CD151: variants seen among roughly 807,000 people sequenced by gnomAD.
CD151 encodes CD151 antigen.
Under a neutral mutation model 34.2 loss-of-function variants are expected in CD151, and 20 were observed. The observed-to-expected ratio is 0.58, with a 90% CI of 0.41 to 0.85. The LOEUF (loss-of-function observed/expected upper bound fraction) is 0.85, where lower values mean the gene tolerates loss of function less well. Among genes scored for constraint, CD151 ranks in the 40% least tolerant of loss-of-function variants. The pLI, the probability that CD151 is intolerant of heterozygous loss-of-function variation, is 0.00. For synonymous variants in CD151, 157 were observed against 131.7 expected (o/e 1.19, Z -1.32); for missense variants, 306 against 324.5 (o/e 0.94, Z 0.44).
Position 837,247 on chromosome 11 carries a change from C to T in CD151, c.352-3C>T. Reference sequence around the variant, plus strand: ...GCTGAAGTTTCCTGCACCCCAACCCCAGCTGAACACGGAGCTCAAGGAGAA... The same window carrying T: ...GCTGAAGTTTCCTGCACCCCAACCCTAGCTGAACACGGAGCTCAAGGAGAA... On this transcript the variant is annotated splice_region_variant and splice_polypyrimidine_tract_variant and intron_variant, in intron 5 of 8. Coordinates refer to ENST00000397420, the MANE Select transcript of CD151 (RefSeq NM_004357.5). 6.2e-7 allele frequency: 1 copy of T among 1,612,142 alleles called. No homozygotes were observed. Among genetic ancestry groups the T allele is most frequent in the Non-Finnish European group, 8.5e-7 (1 of 1,179,012 alleles).
chr11:837,528 C>T lies in CD151; in HGVS notation c.525C>T (p.Ala175=), dbSNP rs756615452. The change falls in exon 7 of 9, where the codon GCC becomes GCT. Residue 175 remains alanine, a synonymous_variant. Transcript: ENST00000397420. The part of the protein sequence containing the change: ...RDSEWIRSQE[A]GGRVVPDSCC... ...GTGAGTGGATCCGCTCACAGGAGGC[C>T]GGTGGCCGTGTGGTCCCAGACAGCT... 67 of 1,612,948 alleles carry T rather than the reference C, an allele frequency of 4.2e-5. No homozygotes were observed. Among genetic ancestry groups the T allele is most frequent in the East Asian group, 3.8e-4 (17 of 44,890 alleles).
Position 837,543 on chromosome 11 carries a change from C to T in CD151, c.540C>T (p.Val180=). 1.2e-6 allele frequency: 2 copies of T among 1,613,046 alleles called. No homozygotes were observed. Among genetic ancestry groups the T allele is most frequent in the Non-Finnish European group, 1.7e-6 (2 of 1,179,906 alleles). Residue 180 remains valine, a synonymous_variant, in exon 7 of 9, where the codon GTC becomes GTT. Transcript: ENST00000397420. ...IRSQEAGGRV[V]PDSCCKTVVA... ...CACAGGAGGCCGGTGGCCGTGTGGT[C>T]CCAGACAGCTGCTGCAAGACGGTGG...
At chr11:835,092 C>T (rs1199560481) in intron 2 of CD151, 1 of 152,248 alleles carries the variant, frequency 6.6e-6, no homozygotes, top group African/African-American at 2.4e-5. Context: ...CTGGCATGAG[C>T]TCACCGGAGG....
chr11:834,799 C>T (rs1311884936), intron 2 of CD151: 4 of 152,366 alleles, frequency 2.6e-5, no homozygotes, highest in Admixed American at 2.0e-4. Flanking sequence ...GTGCTGCCCC[C>T]TCAGGTTGGT....
intron 4 of CD151, 69 bp from the exon 5 acceptor site, chr11:836,700 T>C (rs1481720560): frequency 4.0e-6 from 6 of 1,487,350 alleles, no homozygotes; most frequent in South Asian, 1.1e-5. Flanking sequence ...GTGGGGACTC[T>C]GCTCTGAGGT....
chr11:835,773 C>T (rs913733670), intron 2 of CD151: 11 of 347,918 alleles, frequency 3.2e-5, no homozygotes, highest in African/African-American at 2.3e-4. Context: ...CTGCAAGCTT[C>T]GCCTCCCGGG....
chr11:837,032 G>A (rs561171137), intron 5 of CD151, 189 bp downstream of exon 5: 2 of 658,014 alleles, frequency 3.0e-6, no homozygotes, highest in East Asian at 2.7e-5. Flanking sequence ...GGTGTCCAGG[G>A]GATCCAGAAG....
rs1846871513 is a variant in CD151, at chr11:838,583, C to T, written c.*391C>T. 2 of 314,910 alleles carry T rather than the reference C, an allele frequency of 6.4e-6. No homozygotes were observed. The highest frequency in any genetic ancestry group is 4.8e-5 in the Admixed American group (1 of 21,024). 19.5% of individuals were successfully genotyped at this position (314,910 alleles called of 1,614,324 possible). ...ATGGCCCCATCCCAGTTGGGGAAGC[C>T]AGGTGAGCTCTGACCCTTGGGCCTG... is the stretch of plus-strand genomic sequence containing the variant. On this transcript the variant is annotated 3_prime_UTR_variant, in exon 9 of 9. Transcript: ENST00000397420.
In CD151 at chr11:832,962, C is replaced by G. The variant is rs1171337805; in HGVS notation, c.-134C>G. 1 of 128,448 alleles carries G rather than the reference C, an allele frequency of 7.8e-6. No homozygotes were observed. Among genetic ancestry groups the G allele is most frequent in the African/African-American group, 2.8e-5 (1 of 35,472 alleles). 8.0% of individuals were successfully genotyped at this position (128,448 alleles called of 1,614,324 possible). On this transcript the variant is annotated 5_prime_UTR_variant, in exon 1 of 9. Coordinates refer to ENST00000397420, the MANE Select transcript of CD151 (RefSeq NM_004357.5). ...GGCTCCGGGCCGCGCATTCTCAGCGCTGGGAGCCGCCGCCCCCGCAGCTGC... is the reference window on the plus strand; with the variant it reads ...GGCTCCGGGCCGCGCATTCTCAGCGGTGGGAGCCGCCGCCCCCGCAGCTGC...
At position 835,740 on chromosome 11, in the gene CD151, T is replaced by G. The variant is rs1361069361; in HGVS notation, c.-7-323T>G. On this transcript the variant is annotated intron_variant, in intron 2 of 8. Transcript: ENST00000397420. Reference sequence around the variant, plus strand: ...TCTCACTCTGTCGCCCAGGCTGGAGTGCAGTGGCACCATCTCGGCTCACTG... The same window carrying G: ...TCTCACTCTGTCGCCCAGGCTGGAGGGCAGTGGCACCATCTCGGCTCACTG... 10 of 270,124 alleles carry G rather than the reference T, an allele frequency of 3.7e-5. No homozygotes were observed. The Admixed American group carries it at 3.9e-4, about 11-fold the overall frequency. The allele number at this position is 270,124 out of a possible 1,614,324, so 16.7% of individuals were successfully genotyped here. A position where few individuals can be genotyped will look rare whatever the true frequency, so the allele number is the denominator to read the frequency against.
chr11:838,056 CTTG>C (rs1172947951), intron 8 of CD151, 28 bp downstream of exon 8: 2 of 1,610,356 alleles, frequency 1.2e-6, no homozygotes, highest in East Asian at 2.2e-5. Flanking sequence ...TGGCGGTCAT[CTTG>C]TTGGGGACAC....
rs751702824 is a variant in CD151, at chr11:836,452, G to C, written c.276+10G>C. 8 of 1,595,720 alleles carry C rather than the reference G, an allele frequency of 5.0e-6. No homozygotes were observed. The highest frequency in any genetic ancestry group is 2.6e-6 in the Non-Finnish European group (3 of 1,172,530). ...GAACCTGCTGCGCCTGGTCAGGAGGGCGCAGGGCCACGGGGTGGGGGTGGT... is the reference window on the plus strand; with the variant it reads ...GAACCTGCTGCGCCTGGTCAGGAGGCCGCAGGGCCACGGGGTGGGGGTGGT... On this transcript the variant is annotated intron_variant, in intron 4 of 8. Coordinates refer to ENST00000397420, the MANE Select transcript of CD151 (RefSeq NM_004357.5).
chr11:837,039 G>A, intron 5 of CD151, 196 bp downstream of exon 5: 1 of 657,882 alleles, frequency 1.5e-6, no homozygotes, highest in Non-Finnish European at 2.7e-6. Flanking sequence ...AGGGGATCCA[G>A]AAGCTCTCTC....
intron 1 of CD151, 103 bp downstream of exon 1, chr11:833,129 G>C (rs1210435466): frequency 1.3e-5 from 2 of 151,230 alleles, no homozygotes; most frequent in Non-Finnish European, 3.0e-5. Context: ...AAGGCCCTGC[G>C]CGCCCCAGCC....
At position 838,775 on chromosome 11, in the gene CD151, G is replaced by A. The variant is rs1130722; in HGVS notation, c.*583G>A. 1.2e-5 allele frequency: 2 copies of A among 163,568 alleles called. No homozygotes were observed. The highest frequency in any genetic ancestry group is 5.7e-5 in the Admixed American group (1 of 17,604). 10.1% of individuals were successfully genotyped at this position (163,568 alleles called of 1,614,324 possible). ...CTGGTTTTGTTCACTGCTGTACCCA[G>A]ATGCCTACAACCATCCCTGCCACAT... On this transcript the variant is annotated 3_prime_UTR_variant, in exon 9 of 9. Transcript: ENST00000397420.
rs1846647913 is a variant in CD151 at position 833,825 on chromosome 11, C to CATCGGTGGCAGACGCACACCCCCT, written c.-69-705_-69-704insATCGGTGGCAGACGCACACCCCCT. 3.8e-5 allele frequency among the ~76,000 whole-genome samples: 3 copies of CATCGGTGGCAGACGCACACCCCCT among 78,308 alleles called. No homozygotes were observed. In the South Asian group the frequency reaches 1.1e-3, roughly 28 times the overall value. 51.4% of individuals were successfully genotyped at this position (78,308 alleles called of 152,430 possible). A position where few individuals can be genotyped will look rare whatever the true frequency, so the allele number is the denominator to read the frequency against. On this transcript the variant is annotated intron_variant, in intron 1 of 8. Transcript: ENST00000397420. The stretch of plus-strand genomic sequence containing the variant: ...TCGGTGGCAGACGCACACCCCGCCC[C>CATCGGTGGCAGACGCACACCCCCT]CCGGTGGCAGACACATCCCCCCGCT...
Position 837,349 on chromosome 11 carries a change from CAGG to C in CD151, c.455_456+1del, listed in dbSNP as rs1462210138. 2 of 1,612,498 alleles carry C rather than the reference CAGG, an allele frequency of 1.2e-6. No homozygotes were observed. Among genetic ancestry groups the C allele is most frequent in the African/African-American group, 2.7e-5 (2 of 74,932 alleles). On this transcript the variant is annotated inframe_deletion and splice_region_variant, in exon 6 of 9. Transcript: ENST00000397420. ...GACCAGCGCTGTGGACCAGCTGCAG[CAGG>C]AGGTGGGTGGGTGGTGCTGGGAGGG...
intron 4 of CD151, 85 bp downstream of exon 4, chr11:836,527 G>C: frequency 9.6e-7 from 1 of 1,038,586 alleles, no homozygotes; most frequent in Non-Finnish European, 1.3e-6. Flanking sequence ...CCTGTGCCTT[G>C]CTGTGCTCAC....
At chr11:834,425 A>G (rs943202572) in intron 1 of CD151, 105 bp from the exon 2 acceptor site, 10 of 152,346 alleles carry the variant, frequency 6.6e-5, no homozygotes, top group Admixed American at 2.6e-4. Flanking sequence ...AGACTAAAAT[A>G]CCGGGCTTGG....
Sources: gnomAD v4.1 joint callset for allele counts (sites outside exome capture counted in the v4.1 genomes callset) on GRCh38, gnomAD v4.1.1 for gene constraint, MANE v1.5 for transcripts, NCBI Gene and HGNC (gene_info 2026-07-23, HGNC 2026-07-21) for gene names.